USH2A: variants seen among roughly 807,000 people sequenced by gnomAD.
USH2A encodes Usher syndrome 2A (autosomal recessive, mild).
A neutral mutation model predicts 538.9 loss-of-function variants in USH2A; 443 were observed. The ratio of observed to expected loss-of-function variants is 0.82; its 90% CI spans 0.76 to 0.89. The LOEUF is 0.89. Ranked by LOEUF, USH2A falls within the 40% of genes least tolerant of loss-of-function variation. The pLI is 0.00. For missense variants in USH2A, 6,633 were observed against 6,324.8 expected (o/e 1.05, Z -1.65); for synonymous variants, 2,413 against 2,273.5 (o/e 1.06, Z -1.75).
At chr1:216,070,427 T>A (rs2031520730) in intron 29 of USH2A, 135 bp from the exon 30 acceptor site, 1 of 848,608 alleles carries the variant, frequency 1.2e-6, no homozygotes, top group Admixed American at 2.1e-5. Context: ...AGTTGTAACT[T>A]TTCAGCATTG....
At chr1:216,087,829 C>T (rs2032182984) in intron 23 of USH2A, among the ~76,000 whole-genome samples, 1 of 152,122 alleles carries the variant, frequency 6.6e-6, no homozygotes, top group South Asian at 2.1e-4. Flanking sequence ...AGAGTTATTG[C>T]AGAAGCCTAT....
chr1:216,295,734 G>A (rs905985617), intron 9 of USH2A, among the ~76,000 whole-genome samples: 1 of 151,870 alleles, frequency 6.6e-6, no homozygotes, highest in Non-Finnish European at 1.5e-5. Flanking sequence ...ATGAATCAGG[G>A]GAGTCAAACC....
At chr1:216,274,727 G>A (rs1362395090) in intron 11 of USH2A, among the ~76,000 whole-genome samples, 2 of 151,236 alleles carry the variant, frequency 1.3e-5, no homozygotes, top group East Asian at 3.8e-4. Context: ...TTGCTCAGCT[G>A]TCAAAAATAC....
intron 21 of USH2A, among the ~76,000 whole-genome samples, chr1:216,112,947 TTATA>T (rs1408077920): frequency 1.3e-5 from 2 of 151,928 alleles, no homozygotes; most frequent in East Asian, 3.9e-4. Context: ...GTAGAATGAT[TTATA>T]TTCTTCTGGG....
Position 216,046,456 on chromosome 1 carries a change from G to A in USH2A, c.6300C>T (p.Gly2100=). The A allele has an allele frequency of 6.2e-7, 1 of 1,613,330 alleles. No individual in the cohort carries two copies. ...CTGTGACTATGTAGTTCTCCTCACT[G>A]CCTGAATAGATCAGCCTCCCATCCA... The part of the protein sequence containing the change: ...LYMDGRLIYS[G]SEENYIVTDL... Residue 2100 remains glycine, a synonymous_variant, in exon 32 of 72, where the codon GGC becomes GGT. Coordinates refer to ENST00000307340, the MANE Select transcript of USH2A (RefSeq NM_206933.4).
At chr1:216,405,001 C>T (rs1465788170) in intron 3 of USH2A, among the ~76,000 whole-genome samples, 1 of 151,456 alleles carries the variant, frequency 6.6e-6, no homozygotes, top group Non-Finnish European at 1.5e-5. Flanking sequence ...CAGCCTCCCC[C>T]ATAGGTGGAA....
chr1:216,316,275 C>T (rs996644676), intron 9 of USH2A, among the ~76,000 whole-genome samples: 14 of 151,844 alleles, frequency 9.2e-5, no homozygotes, highest in Admixed American at 5.3e-4. Flanking sequence ...GAGTTGTTTT[C>T]GGTTATTTGT....
chr1:216,118,583 A>G (rs891485730), intron 21 of USH2A, among the ~76,000 whole-genome samples: 2 of 152,224 alleles, frequency 1.3e-5, no homozygotes, highest in Non-Finnish European at 2.9e-5. Flanking sequence ...GACAATGCTC[A>G]TCACTGGAGA....
intron 37 of USH2A, among the ~76,000 whole-genome samples, chr1:215,952,595 C>G (rs1013277149): frequency 5.3e-5 from 8 of 152,130 alleles, no homozygotes; most frequent in African/African-American, 1.9e-4. Context: ...AATCTCTCAG[C>G]ATTTGCTTGT....
At chr1:216,069,152 G>A (rs150904565) in intron 30 of USH2A, among the ~76,000 whole-genome samples, 3 of 152,280 alleles carry the variant, frequency 2.0e-5, no homozygotes, top group African/African-American at 4.8e-5. Flanking sequence ...AGCCCATGTA[G>A]CTGCCATATG....
chr1:216,072,424 A>G, intron 29 of USH2A: 1 of 221,542 alleles, frequency 4.5e-6, no homozygotes, highest in Non-Finnish European at 9.1e-6. Context: ...CAACGGGGCA[A>G]ACATCTGCAA....
chr1:216,135,771 T>C (rs1238159688), intron 21 of USH2A, among the ~76,000 whole-genome samples: 3 of 152,118 alleles, frequency 2.0e-5, no homozygotes, highest in Non-Finnish European at 4.4e-5. Flanking sequence ...TCTTAATATG[T>C]TAAGCCTTAA....
rs1305356373 is a variant in USH2A, at chr1:215,766,686, G to A, written c.11042C>T (p.Pro3681Leu). 6.2e-7 allele frequency: 1 copy of A among 1,613,240 alleles called. No individual in the cohort carries two copies. Among genetic ancestry groups the A allele is most frequent in the South Asian group, 1.1e-5 (1 of 91,060 alleles). Reference sequence around the variant, plus strand: ...CATGGATATTGTTTCATTACCTTCAGGAGCTGCCTGCAGTGTCTGACCTAG... The same window carrying A: ...CATGGATATTGTTTCATTACCTTCAAGAGCTGCCTGCAGTGTCTGACCTAG... Reference protein sequence around the residue: ...PFLGQTLQAAPEGVWVTPRHI... With the variant: ...PFLGQTLQAALEGVWVTPRHI... Residue 3681 changes from proline to leucine, a missense_variant, in exon 56 of 72, where the codon CCT (proline) becomes CTT (leucine). Physicochemically the swap from Pro to Leu is moderately conservative, Grantham distance 98 (BLOSUM62 -3). Transcript: ENST00000307340.
rs1666971834 is a variant in USH2A at position 215,953,285 on chromosome 1, T to G, written c.7120+12032A>C. Among the ~76,000 whole-genome samples, 5 of 152,254 alleles carry G rather than the reference T, an allele frequency of 3.3e-5. No homozygotes were observed. In the South Asian group the frequency reaches 1.0e-3, roughly 32 times the overall value. On this transcript the variant is annotated intron_variant, in intron 37 of 71. Coordinates refer to ENST00000307340, the MANE Select transcript of USH2A (RefSeq NM_206933.4). ...CAATCCTAAGCCAAAAGAACAAAGC[T>G]GGAGGCATCACGCTACCTGACTTCA...
At position 215,758,757 on chromosome 1, in the gene USH2A, A is replaced by T; in HGVS notation, c.11232-5T>A. ...ACTTCTAACTTGTAAGTGTATCTAT[A>T]TTTAAAAAGAAAGAAGAATTGTGGT... On this transcript the variant is annotated splice_polypyrimidine_tract_variant and splice_region_variant and intron_variant, in intron 57 of 71. Transcript: ENST00000307340. 1 of 1,613,466 alleles carries T rather than the reference A, an allele frequency of 6.2e-7. No individual in the cohort carries two copies. The highest frequency in any genetic ancestry group is 8.5e-7 in the Non-Finnish European group (1 of 1,179,796).
intron 3 of USH2A, among the ~76,000 whole-genome samples, chr1:216,367,144 C>T (rs925699189): frequency 2.0e-5 from 3 of 152,154 alleles, no homozygotes; most frequent in South Asian, 2.1e-4. Context: ...ATGAGGGAAA[C>T]ACATTTGTTC....
At chr1:216,413,020 A>G (rs987068287) in intron 3 of USH2A, among the ~76,000 whole-genome samples, 1 of 152,116 alleles carries the variant, frequency 6.6e-6, no homozygotes, top group African/African-American at 2.4e-5. Flanking sequence ...AATAGCAGCT[A>G]TGATAATTTG....
intron 44 of USH2A, among the ~76,000 whole-genome samples, chr1:215,864,771 C>T (rs148737867): frequency 6.8e-4 from 103 of 152,200 alleles, no homozygotes; most frequent in African/African-American, 1.9e-3. Context: ...AACACAGGGA[C>T]GCTTTTATCT....
rs140742468 is a variant in USH2A at position 216,085,719 on chromosome 1, AGTGTGTGTGTGT to A, written c.4988-854_4988-843del. ...GCAAAAAACAAAGGCTGTGTACGTG[AGTGTGTGTGTGT>A]GTGTGTGTGTGTGTGTGTGTTTTAG... On this transcript the variant is annotated intron_variant, in intron 24 of 71. Transcript: ENST00000307340. Among the ~76,000 whole-genome samples the A allele has an allele frequency of 2.7e-4, 39 of 143,708 alleles. No individual in the cohort carries two copies. In the East Asian group the frequency reaches 4.4e-3, roughly 16 times the overall value. 94.3% of individuals were successfully genotyped at this position (143,708 alleles called of 152,430 possible).
Sources: allele counts gnomAD v4.1 joint callset (sites outside exome capture counted in the v4.1 genomes callset), GRCh38; gene constraint gnomAD v4.1.1; transcripts MANE v1.5; gene names NCBI Gene and HGNC (gene_info 2026-07-23, HGNC 2026-07-21).